The following NRG3 variants were observed in gnomAD, a reference collection of about 807,000 sequenced individuals.
The protein encoded by NRG3 is pro-neuregulin-3, membrane-bound isoform.
A neutral mutation model predicts 66.9 loss-of-function variants in NRG3; 31 were observed. The ratio of observed to expected loss-of-function variants is 0.46; its 90% confidence interval spans 0.35 to 0.63. The LOEUF (loss-of-function observed/expected upper bound fraction) is 0.63. Ranked by LOEUF, NRG3 falls within the 20% of genes least tolerant of loss-of-function variation. The pLI, the probability that NRG3 is intolerant of heterozygous loss-of-function variation, is 0.00. For missense variants in NRG3, 910 were observed against 878.9 expected, an observed-to-expected ratio of 1.04 and a Z score of -0.45; for synonymous variants, 393 against 359.4, an observed-to-expected ratio of 1.09 and a Z score of -1.06.
intron 1 of NRG3, 149 bp downstream of exon 1, chr10:81,876,312 C>T: frequency 7.5e-6 from 9 of 1,197,950 alleles, no homozygotes; most frequent in Non-Finnish European, 8.0e-6. Context: ...AAACTGGCCA[C>T]CAGCGGGGAA....
intron 3 of NRG3, among the ~76,000 whole-genome samples, chr10:82,776,081 A>G (rs1041887255): frequency 6.6e-6 from 1 of 152,134 alleles, no homozygotes; most frequent in African/African-American, 2.4e-5. Context: ...TTTATTTCCA[A>G]TTGAAAAGCT....
intron 3 of NRG3, among the ~76,000 whole-genome samples, chr10:82,815,394 G>A (rs537698404): frequency 6.6e-6 from 1 of 152,216 alleles, no homozygotes; most frequent in East Asian, 1.9e-4. Flanking sequence ...AAATGTATGA[G>A]GTGTTCACTT....
At chr10:82,750,704 A>C (rs966169269) in intron 3 of NRG3, among the ~76,000 whole-genome samples, 2 of 152,166 alleles carry the variant, frequency 1.3e-5, no homozygotes, top group African/African-American at 4.8e-5. Context: ...AAAAATAATC[A>C]ATTTGTAAGA....
intron 1 of NRG3, among the ~76,000 whole-genome samples, chr10:82,094,139 G>C (rs2066197019): frequency 6.6e-6 from 1 of 152,076 alleles, no homozygotes; most frequent in South Asian, 2.1e-4. Flanking sequence ...GCCATTAATG[G>C]ATATTAAAGA....
At chr10:82,264,844 C>CT (rs1238702076) in intron 1 of NRG3, among the ~76,000 whole-genome samples, 1 of 152,004 alleles carries the variant, frequency 6.6e-6, no homozygotes, top group African/African-American at 2.4e-5. Flanking sequence ...AGGAGAATGA[C>CT]TTTGAGCTTT....
At chr10:82,915,517 T>A (rs1376544783) in intron 4 of NRG3, among the ~76,000 whole-genome samples, 2 of 152,184 alleles carry the variant, frequency 1.3e-5, no homozygotes, top group African/African-American at 4.8e-5. Flanking sequence ...ATAAACAATA[T>A]TCCTGGCACA....
intron 4 of NRG3, among the ~76,000 whole-genome samples, chr10:82,904,633 A>C (rs1215910892): frequency 6.6e-5 from 10 of 152,140 alleles, no homozygotes; most frequent in Admixed American, 6.6e-4. Context: ...GAATACATAG[A>C]AGCATATCTT....
chr10:81,996,284 G>A (rs576413608), intron 1 of NRG3, among the ~76,000 whole-genome samples: 33 of 152,260 alleles, frequency 2.2e-4, no homozygotes, highest in African/African-American at 7.9e-4. Flanking sequence ...GTGCATGTCT[G>A]AAGTCTATAG....
chr10:82,444,371 G>A (rs2090603645), intron 2 of NRG3, among the ~76,000 whole-genome samples: 1 of 152,070 alleles, frequency 6.6e-6, no homozygotes, highest in South Asian at 2.1e-4. Flanking sequence ...CCAAAGTGCT[G>A]GGATGACAGG....
At chr10:82,706,908 T>C (rs2056327407) in intron 2 of NRG3, among the ~76,000 whole-genome samples, 1 of 151,376 alleles carries the variant, frequency 6.6e-6, no homozygotes, top group Admixed American at 6.6e-5. Context: ...GCAGGAGAAC[T>C]GCATGAACCC....
intron 2 of NRG3, among the ~76,000 whole-genome samples, chr10:82,533,670 A>G (rs1590536763): frequency 6.6e-6 from 1 of 152,202 alleles, no homozygotes; most frequent in Non-Finnish European, 1.5e-5. Context: ...CTTTTCCTCT[A>G]TGATCAGGAC....
chr10:82,571,391 T>C (rs2045727917), intron 2 of NRG3, among the ~76,000 whole-genome samples: 1 of 151,684 alleles, frequency 6.6e-6, no homozygotes, highest in African/African-American at 2.4e-5. Flanking sequence ...TTCAAGTTGA[T>C]AACAAATGTT....
chr10:82,012,151 C>G (rs2061604411), intron 1 of NRG3, among the ~76,000 whole-genome samples: 1 of 152,174 alleles, frequency 6.6e-6, no homozygotes, highest in African/African-American at 2.4e-5. Context: ...GTGGAGGTTC[C>G]CAAACCTCAG....
intron 1 of NRG3, among the ~76,000 whole-genome samples, chr10:82,284,400 T>C (rs2079295541): frequency 6.6e-6 from 1 of 152,188 alleles, no homozygotes; most frequent in African/African-American, 2.4e-5. Context: ...TACACACAGA[T>C]ACAAGAACAG....
At chr10:82,748,870 A>G (rs1389294940) in intron 3 of NRG3, among the ~76,000 whole-genome samples, 3 of 152,062 alleles carry the variant, frequency 2.0e-5, no homozygotes, top group African/African-American at 7.2e-5. Context: ...GGAAGCACTG[A>G]AATTTTAAAC....
chr10:82,190,135 C>T (rs1042949678), intron 1 of NRG3, among the ~76,000 whole-genome samples: 2 of 152,078 alleles, frequency 1.3e-5, no homozygotes, highest in African/African-American at 4.8e-5. Flanking sequence ...TGCCCAATTA[C>T]TTTTATAGTG....
chr10:82,902,706 TA>T (rs1844348984), intron 4 of NRG3, among the ~76,000 whole-genome samples: 1 of 152,118 alleles, frequency 6.6e-6, no homozygotes, highest in Non-Finnish European at 1.5e-5. Flanking sequence ...ATATGTATTA[TA>T]TATGTGTATA....
chr10:82,158,538 G>A (rs181354805), intron 1 of NRG3, among the ~76,000 whole-genome samples: 1 of 151,768 alleles, frequency 6.6e-6, no homozygotes, highest in Non-Finnish European at 1.5e-5. Context: ...TTTCATGGAA[G>A]TGTGTCTGCG....
intron 1 of NRG3, among the ~76,000 whole-genome samples, chr10:82,290,866 A>G (rs2134594881): frequency 6.7e-6 from 1 of 150,290 alleles, no homozygotes. Context: ...GATGGTCTCG[A>G]TCTCCTGACA....
Sources: allele counts gnomAD v4.1 joint callset (sites outside exome capture counted in the v4.1 genomes callset), GRCh38; gene constraint gnomAD v4.1.1; transcripts MANE v1.5; gene names NCBI Gene and HGNC (gene_info 2026-07-23, HGNC 2026-07-21).